The following RBM33 variants were observed in gnomAD, a reference collection of about 807,000 sequenced individuals.
The protein encoded by RBM33 is RNA binding motif protein 33.
In RBM33, 28 loss-of-function variants were observed where a neutral mutation model predicts 132.6. That is an observed-to-expected ratio of 0.21 (90% CI 0.16 to 0.29). The LOEUF is 0.29. Ranked by LOEUF, RBM33 falls within the 10% of genes least tolerant of loss-of-function variation. The pLI is 1.00. For missense variants in RBM33, 1,291 were observed against 1,518.5 expected, an observed-to-expected ratio of 0.85 and a Z score of 2.49; for synonymous variants, 634 against 593.0, an observed-to-expected ratio of 1.07 and a Z score of -1.01.
intron 1 of RBM33, among the ~76,000 whole-genome samples, chr7:155,657,670 G>A (rs1382858793): frequency 6.6e-6 from 1 of 152,178 alleles, no homozygotes; most frequent in Middle Eastern, 3.2e-3. Flanking sequence ...ACTGCACCCA[G>A]TGGATGCTCT....
chr7:155,681,508 C>G (rs560428196), intron 5 of RBM33, among the ~76,000 whole-genome samples: 121 of 150,020 alleles, frequency 8.1e-4, no homozygotes, highest in African/African-American at 2.8e-3. Context: ...GTTGAACCAA[C>G]AAGAAAGAAA....
chr7:155,753,926 T>C (rs1801765468), intron 14 of RBM33, among the ~76,000 whole-genome samples: 1 of 152,220 alleles, frequency 6.6e-6, no homozygotes, highest in Non-Finnish European at 1.5e-5. Context: ...TAATCACTTA[T>C]TTGATAAGAC....
rs569582142 is a variant in RBM33 at position 155,688,349 on chromosome 7, T to C, written c.567+7441T>C. ...TTTGTATCCTAAGACTTTGCTGAAG[T>C]TGCTTATCAGCTTAAGGAGATTTTG... On this transcript the variant is annotated intron_variant, in intron 5 of 17. Transcript: ENST00000401878. Among the ~76,000 whole-genome samples the C allele has an allele frequency of 2.6e-5, 4 of 152,358 alleles. No homozygotes were observed. The East Asian group carries it at 5.8e-4, about 22-fold the overall frequency.
intron 6 of RBM33, 175 bp from the exon 7 acceptor site, chr7:155,706,685 G>T: frequency 1.7e-6 from 1 of 586,880 alleles, no homozygotes; most frequent in South Asian, 2.1e-5. Context: ...CTCACTAGTG[G>T]GTTGTGTGTG....
chr7:155,654,855 T>G (rs1288645950), intron 1 of RBM33, among the ~76,000 whole-genome samples: 1 of 152,256 alleles, frequency 6.6e-6, no homozygotes, highest in Non-Finnish European at 1.5e-5. Context: ...ATTTTATTTG[T>G]CCTCACATTA....
intron 5 of RBM33, among the ~76,000 whole-genome samples, chr7:155,700,413 G>A (rs745585628): frequency 5.9e-5 from 9 of 152,082 alleles, no homozygotes; most frequent in Non-Finnish European, 1.3e-4. Flanking sequence ...TTAATACATT[G>A]AATTTCACTA....
intron 16 of RBM33, among the ~76,000 whole-genome samples, chr7:155,767,519 C>A (rs1275895208): frequency 6.6e-6 from 1 of 152,212 alleles, no homozygotes; most frequent in Non-Finnish European, 1.5e-5. Context: ...AACATGTTAA[C>A]ACTAGGGTTG....
chr7:155,705,358 T>G (rs1322823190), intron 6 of RBM33, among the ~76,000 whole-genome samples: 1 of 152,230 alleles, frequency 6.6e-6, no homozygotes, highest in Non-Finnish European at 1.5e-5. Flanking sequence ...AAATAATTGC[T>G]GATTCACTGC....
chr7:155,667,479 C>T (rs971913756), intron 2 of RBM33, among the ~76,000 whole-genome samples: 1 of 152,098 alleles, frequency 6.6e-6, no homozygotes, highest in Non-Finnish European at 1.5e-5. Flanking sequence ...CCTTTATACC[C>T]CCAAAAGAAT....
intron 8 of RBM33, 49 bp from the exon 9 acceptor site, chr7:155,718,336 T>G (rs1800525167): frequency 6.9e-7 from 1 of 1,440,920 alleles, no homozygotes; most frequent in Non-Finnish European, 9.8e-7. Flanking sequence ...TTACAGGGGT[T>G]TGAGTGTTGA....
intron 5 of RBM33, among the ~76,000 whole-genome samples, chr7:155,698,689 A>G (rs977167175): frequency 2.6e-5 from 4 of 152,220 alleles, no homozygotes; most frequent in Admixed American, 1.3e-4. Context: ...TTTTGTGGCC[A>G]TACCTTTCCT....
chr7:155,765,813 G>A (rs536498935), intron 15 of RBM33, among the ~76,000 whole-genome samples: 6 of 152,230 alleles, frequency 3.9e-5, no homozygotes, highest in East Asian at 1.9e-4. Context: ...GCTTAGGCCC[G>A]CCTTAGACCA....
In RBM33 at chr7:155,776,287, G is replaced by A. The variant is rs1359467987; in HGVS notation, c.*1246G>A. On this transcript the variant is annotated 3_prime_UTR_variant, in exon 18 of 18. Coordinates refer to ENST00000401878, the MANE Select transcript of RBM33 (RefSeq NM_053043.3). This position sits in a 1 kb window ranked among gnomAD's most constrained non-coding sequence, Gnocchi z 4.0. ...AGCTATTTGAGCAAATAATGATAGGGCATACTCAGACATTTTAGCTACCTT... is the reference window on the plus strand; with the variant it reads ...AGCTATTTGAGCAAATAATGATAGGACATACTCAGACATTTTAGCTACCTT... The A allele has an allele frequency of 1.3e-5, 2 of 152,518 alleles. No individual in the cohort carries two copies. The allele number at this position is 152,518 out of a possible 1,614,324, so 9.4% of individuals were successfully genotyped here.
intron 16 of RBM33, chr7:155,767,000 T>C (rs1585548676): frequency 3.7e-6 from 1 of 272,344 alleles, no homozygotes; most frequent in Non-Finnish European, 6.9e-6. Context: ...GTAATAACAT[T>C]ACATTTTAAA....
In RBM33 at chr7:155,761,395, C is replaced by T. The variant is rs756080663; in HGVS notation, c.2980-2417C>T. Among the ~76,000 whole-genome samples, 7 of 152,148 alleles carry T rather than the reference C, an allele frequency of 4.6e-5. 1 individual carries two copies. Among genetic ancestry groups the T allele is most frequent in the Middle Eastern group, 6.3e-3 (2 of 316 alleles). On this transcript the variant is annotated intron_variant, in intron 14 of 17. Transcript: ENST00000401878. ...TTGCGTAAGCTTGGTAGTCTTTCTT[C>T]CTTAAATATTTGGTAAAACTTACTG...
intron 5 of RBM33, among the ~76,000 whole-genome samples, chr7:155,681,358 C>T (rs1563141686): frequency 6.6e-6 from 1 of 152,148 alleles, no homozygotes; most frequent in Non-Finnish European, 1.5e-5. Flanking sequence ...TAGATGAGAA[C>T]TGTCTAAACC....
At chr7:155,711,536 GT>G in intron 8 of RBM33, 81 bp downstream of exon 8, 2 of 891,900 alleles carry the variant, frequency 2.2e-6, no homozygotes, top group South Asian at 2.4e-5. Context: ...CCACTGACGC[GT>G]TTTTGACTTC....
intron 1 of RBM33, among the ~76,000 whole-genome samples, chr7:155,657,153 C>T (rs1051621789): frequency 2.0e-5 from 3 of 152,148 alleles, no homozygotes; most frequent in East Asian, 3.8e-4. Context: ...TATTTTATGG[C>T]GTCTCTCCTT....
intron 15 of RBM33, among the ~76,000 whole-genome samples, chr7:155,765,948 G>A (rs560252373): frequency 7.9e-5 from 12 of 152,302 alleles, no homozygotes; most frequent in African/African-American, 2.6e-4. Flanking sequence ...ATCTGCCTGG[G>A]AGGGTTTCAG....
Sources: gnomAD v4.1 joint callset for allele counts (sites outside exome capture counted in the v4.1 genomes callset) on GRCh38, gnomAD v4.1.1 for gene constraint, Gnocchi (gnomAD v3.1) non-coding constraint, MANE v1.5 for transcripts, NCBI Gene and HGNC (gene_info 2026-07-23, HGNC 2026-07-21) for gene names.